ARID4B: variants seen among roughly 807,000 people sequenced by gnomAD.
The protein encoded by ARID4B is AT-rich interaction domain 4B.
In ARID4B, 26 loss-of-function variants were observed where a neutral mutation model predicts 147.5. That is an observed-to-expected ratio of 0.18 (90% CI 0.13 to 0.24). ARID4B has a LOEUF of 0.24. ARID4B is among the 10% of genes least tolerant of loss of function. The pLI, the probability that ARID4B is intolerant of heterozygous loss-of-function variation, is 1.00. For synonymous variants in ARID4B, 512 were observed against 507.9 expected (o/e 1.01, Z -0.11); for missense variants, 1,179 against 1,511.5 (o/e 0.78, Z 3.65).
intron 2 of ARID4B, among the ~76,000 whole-genome samples, chr1:235,325,065 GAAAT>G (rs1049139458): frequency 1.3e-4 from 20 of 152,176 alleles, no homozygotes; most frequent in East Asian, 5.8e-4. Flanking sequence ...TATCACATAA[GAAAT>G]AAAGTTGTAA....
At chr1:235,236,499 T>C (rs1386832152) in intron 8 of ARID4B, among the ~76,000 whole-genome samples, 1 of 39,232 alleles carries the variant, frequency 2.5e-5, no homozygotes, top group Non-Finnish European at 5.5e-5. Context: ...CAGTTGTGTG[T>C]GTGTGTGTGT....
intron 2 of ARID4B, among the ~76,000 whole-genome samples, chr1:235,302,757 T>C (rs957394894): frequency 6.6e-6 from 1 of 152,148 alleles, no homozygotes; most frequent in South Asian, 2.1e-4. Flanking sequence ...ATGCTTTACA[T>C]GGATTACCTC....
At chr1:235,281,770 A>G (rs1671686474) in intron 2 of ARID4B, among the ~76,000 whole-genome samples, 1 of 152,234 alleles carries the variant, frequency 6.6e-6, no homozygotes, top group African/African-American at 2.4e-5. Context: ...TAACAGTGGT[A>G]AGAGGTACTC....
intron 18 of ARID4B, among the ~76,000 whole-genome samples, chr1:235,194,817 C>T (rs1665384127): frequency 6.6e-6 from 1 of 151,788 alleles, no homozygotes. Flanking sequence ...GAAACTCCGT[C>T]TCAAAAAAAC....
chr1:235,182,036 C>A lies in ARID4B; in HGVS notation c.2883G>T (p.Glu961Asp). ...GCAGTGACTCCTCTGCCACCCCCTC[C>A]TCTGGGGCAGGATGCGGTGGGGAAG... ...AAASPPHPAP[E>D]EGVAEESLQT... Residue 961 changes from glutamate to aspartate, a missense_variant, in exon 20 of 24, where the codon GAG becomes GAT. By Grantham distance (45) the Glu-to-Asp change is conservative. Coordinates refer to ENST00000264183, the MANE Select transcript of ARID4B (RefSeq NM_016374.6). 1.9e-6 allele frequency: 3 copies of A among 1,614,192 alleles called. No homozygotes were observed. Among genetic ancestry groups the A allele is most frequent in the Non-Finnish European group, 2.5e-6 (3 of 1,180,036 alleles).
intron 2 of ARID4B, among the ~76,000 whole-genome samples, chr1:235,323,907 GTT>G (rs1054376468): frequency 1.4e-5 from 2 of 143,204 alleles, no homozygotes; most frequent in African/African-American, 2.6e-5. Context: ...ATTTTATTTA[GTT>G]TTTTTTTTTT....
At chr1:235,320,605 A>C (rs922579806) in intron 2 of ARID4B, among the ~76,000 whole-genome samples, 11 of 152,142 alleles carry the variant, frequency 7.2e-5, no homozygotes, top group African/African-American at 2.7e-4. Flanking sequence ...AACACCCTTC[A>C]AAGGGTTCCT....
At chr1:235,263,619 A>C (rs1482232035) in intron 2 of ARID4B, among the ~76,000 whole-genome samples, 2 of 152,164 alleles carry the variant, frequency 1.3e-5, no homozygotes, top group Admixed American at 1.3e-4. Flanking sequence ...TTTGAAGGGC[A>C]ATATTTTCTT....
chr1:235,236,833 A>AAAAAAAATATATATATATAT (rs1175189621), intron 8 of ARID4B, among the ~76,000 whole-genome samples: 3 of 33,522 alleles, frequency 8.9e-5, no homozygotes, highest in East Asian at 1.5e-3. Flanking sequence ...TTTTATAAAA[A>AAAAAAAATATATATATATAT]ATATATATAT....
At chr1:235,236,833 A>AAAAAAAAATATATATATAT (rs1175189621) in intron 8 of ARID4B, among the ~76,000 whole-genome samples, 2 of 33,520 alleles carry the variant, frequency 6.0e-5, no homozygotes, top group East Asian at 1.5e-3. Flanking sequence ...TTTTATAAAA[A>AAAAAAAAATATATATATAT]ATATATATAT....
intron 16 of ARID4B, among the ~76,000 whole-genome samples, chr1:235,217,674 A>G (rs1044969765): frequency 6.6e-6 from 1 of 152,224 alleles, no homozygotes; most frequent in African/African-American, 2.4e-5. Flanking sequence ...TACATATATC[A>G]ACTTCTTCAA....
intron 2 of ARID4B, among the ~76,000 whole-genome samples, chr1:235,265,402 G>A (rs1416997242): frequency 2.0e-5 from 3 of 151,250 alleles, no homozygotes; most frequent in African/African-American, 7.3e-5. Flanking sequence ...CAGTAATTAA[G>A]AGTATAGGTT....
chr1:235,300,418 TAAAAAAAAAA>T (rs34888924), intron 2 of ARID4B, among the ~76,000 whole-genome samples: 1 of 143,594 alleles, frequency 7.0e-6, no homozygotes, highest in Non-Finnish European at 1.5e-5. Context: ...CTCCGTCTCA[TAAAAAAAAAA>T]AAAAGAAAAA....
At chr1:235,189,630 C>CTA (rs1443193782) in intron 19 of ARID4B, among the ~76,000 whole-genome samples, 1 of 151,774 alleles carries the variant, frequency 6.6e-6, no homozygotes, top group Non-Finnish European at 1.5e-5. Flanking sequence ...TGTCATGCAC[C>CTA]TATACCCCAG....
At chr1:235,252,617 G>T in intron 6 of ARID4B, 113 bp downstream of exon 6, 1 of 765,460 alleles carries the variant, frequency 1.3e-6, no homozygotes, top group Non-Finnish European at 2.1e-6. Context: ...AGGGTATTGT[G>T]TATTAATGAA....
intron 2 of ARID4B, among the ~76,000 whole-genome samples, chr1:235,317,660 A>G (rs571945781): frequency 2.3e-4 from 35 of 152,258 alleles, no homozygotes; most frequent in African/African-American, 8.4e-4. Flanking sequence ...CCAATTTTAG[A>G]ACGAAAATTA....
intron 8 of ARID4B, among the ~76,000 whole-genome samples, chr1:235,240,068 C>T (rs974717643): frequency 4.6e-5 from 7 of 151,770 alleles, no homozygotes; most frequent in Non-Finnish European, 7.4e-5. Context: ...AATTTTCTAC[C>T]GAGAGAGAGA....
intron 2 of ARID4B, among the ~76,000 whole-genome samples, chr1:235,282,982 G>A (rs917218467): frequency 1.3e-5 from 2 of 151,970 alleles, no homozygotes; most frequent in East Asian, 3.9e-4. Flanking sequence ...GGGTTTCACC[G>A]TGTTAGCCAG....
At chr1:235,175,823 AATC>A (rs1403930424) in intron 21 of ARID4B, among the ~76,000 whole-genome samples, 1 of 152,238 alleles carries the variant, frequency 6.6e-6, no homozygotes, top group African/African-American at 2.4e-5. Context: ...AATGATGCAC[AATC>A]ATCATATTCA....
Sources: allele counts gnomAD v4.1 joint callset (sites outside exome capture counted in the v4.1 genomes callset), GRCh38; gene constraint gnomAD v4.1.1; transcripts MANE v1.5; gene names NCBI Gene and HGNC (gene_info 2026-07-23, HGNC 2026-07-21).